The following CHODL variants were observed in gnomAD, a reference collection of about 807,000 sequenced individuals.
The protein encoded by CHODL is chondrolectin, also known as transmembrane protein MT75.
CHODL carries 29 observed loss-of-function variants against 34.5 expected under a neutral mutation model. The observed-to-expected ratio is 0.84, with a 90% CI of 0.63 to 1.15. The LOEUF is 1.15. Ranked by LOEUF, CHODL falls within the 50% of genes most tolerant of loss-of-function variation. The probability of loss-of-function intolerance (pLI) is 0.00; values close to 1 mark genes in which losing one functional copy is unlikely to be tolerated. For synonymous variants in CHODL, 125 were observed against 116.1 expected (o/e 1.08, Z -0.49); for missense variants, 332 against 332.5 (o/e 1.00, Z 0.01).
At chr21:18,058,183 A>T (rs2064608387) in intron 2 of CHODL, among the ~76,000 whole-genome samples, 1 of 152,102 alleles carries the variant, frequency 6.6e-6, no homozygotes, top group Non-Finnish European at 1.5e-5. Context: ...AATGGCTATT[A>T]AAAAAAGACA....
chr21:17,995,283 A>G (rs1039861581), intron 1 of CHODL, among the ~76,000 whole-genome samples: 2 of 152,104 alleles, frequency 1.3e-5, no homozygotes, highest in African/African-American at 4.8e-5. Context: ...GCAACTGTCT[A>G]TATTAGTCTC....
At chr21:18,119,691 A>G (rs2065456750) in intron 2 of CHODL, among the ~76,000 whole-genome samples, 1 of 152,120 alleles carries the variant, frequency 6.6e-6, no homozygotes, top group African/African-American at 2.4e-5. Context: ...TAGGGGGTTT[A>G]TGGAGATTAT....
At chr21:18,085,765 T>A (rs1257464774) in intron 2 of CHODL, among the ~76,000 whole-genome samples, 3 of 152,188 alleles carry the variant, frequency 2.0e-5, no homozygotes, top group Admixed American at 6.5e-5. Context: ...TATATGCTTT[T>A]CTCTTTTTAA....
intron 2 of CHODL, among the ~76,000 whole-genome samples, chr21:18,213,349 C>T (rs867370108): frequency 1.6e-4 from 24 of 152,048 alleles, no homozygotes; most frequent in African/African-American, 5.6e-4. Flanking sequence ...GACCTAGAAT[C>T]CAAACAAAAT....
At chr21:18,128,155 G>A (rs1340685041) in intron 2 of CHODL, among the ~76,000 whole-genome samples, 1 of 148,902 alleles carries the variant, frequency 6.7e-6, no homozygotes, top group Non-Finnish European at 1.5e-5. Context: ...AAAAAAATTA[G>A]CTGGGCGTGG....
chr21:18,242,111 C>T (rs921519250), upstream of CHODL, among the ~76,000 whole-genome samples: 1 of 152,006 alleles, frequency 6.6e-6, no homozygotes, highest in Non-Finnish European at 1.5e-5. Context: ...CAGACATACA[C>T]AATTCCTCAC....
In CHODL at chr21:18,083,337, G is replaced by T. The variant is rs551380915; in HGVS notation, c.-45+55366G>T. ...CTGTATGTCCAGGCAGAAGTCTACT[G>T]CAGGGGTAGAACCTTCATGGAGAGC... On this transcript the variant is annotated intron_variant, in intron 2 of 6. Coordinates refer to the CHODL transcript ENST00000400127. Among the ~76,000 whole-genome samples the T allele has an allele frequency of 1.5e-4, 23 of 152,364 alleles. No individual in the cohort carries two copies. The South Asian group carries it at 4.6e-3, about 30-fold the overall frequency.
At chr21:18,198,157 T>C (rs1479070477) in intron 2 of CHODL, among the ~76,000 whole-genome samples, 1 of 152,206 alleles carries the variant, frequency 6.6e-6, no homozygotes, top group Non-Finnish European at 1.5e-5. Flanking sequence ...CTAATTAGAT[T>C]TTTCAATTAG....
intron 2 of CHODL, among the ~76,000 whole-genome samples, chr21:18,073,718 G>T (rs158026): frequency 2.0e-5 from 3 of 151,656 alleles, no homozygotes; most frequent in Non-Finnish European, 4.4e-5. Context: ...AGAATAAAAA[G>T]ATTAGCTTTA....
At chr21:18,187,359 T>A (rs1195722893) in intron 2 of CHODL, among the ~76,000 whole-genome samples, 1 of 152,180 alleles carries the variant, frequency 6.6e-6, no homozygotes, top group African/African-American at 2.4e-5. Flanking sequence ...CCCACTCTGA[T>A]ACCTTCCTTT....
chr21:18,264,623 A>G (rs57961061), intron 5 of CHODL, among the ~76,000 whole-genome samples: 23,905 of 135,488 alleles, frequency 0.18, 2,538 homozygotes, highest in African/African-American at 0.28. Flanking sequence ...AAAAAAAAAA[A>G]AGAGAGAGAG....
intron 2 of CHODL, among the ~76,000 whole-genome samples, chr21:18,213,336 C>T (rs1391996821): frequency 6.6e-6 from 1 of 152,046 alleles, no homozygotes; most frequent in African/African-American, 2.4e-5. Flanking sequence ...AGAAATCTTT[C>T]CTGACCTAGA....
At chr21:17,981,910 A>C (rs1013352629) in intron 1 of CHODL, among the ~76,000 whole-genome samples, 1 of 152,258 alleles carries the variant, frequency 6.6e-6, no homozygotes, top group Non-Finnish European at 1.5e-5. Flanking sequence ...ATGAAAGCCA[A>C]ACTTTCAAAG....
At chr21:17,942,269 A>T (rs1480493451) in intron 1 of CHODL, among the ~76,000 whole-genome samples, 2 of 152,200 alleles carry the variant, frequency 1.3e-5, no homozygotes, top group Non-Finnish European at 2.9e-5. Context: ...CTTGAATTGT[A>T]ACTCCCACAA....
At chr21:18,044,357 A>C (rs1282810016) in intron 2 of CHODL, among the ~76,000 whole-genome samples, 3 of 151,978 alleles carry the variant, frequency 2.0e-5, no homozygotes, top group African/African-American at 7.2e-5. Context: ...TAAAATATTA[A>C]TTTTTCTTCA....
Position 18,129,487 on chromosome 21 carries a change from G to A in CHODL, c.-45+101516G>A, listed in dbSNP as rs374809687. ...AATTTAATGTATTAGAGAGGAAAAT[G>A]TGATGCAAGAGCCGCAGAGGAAATT... On this transcript the variant is annotated intron_variant, in intron 2 of 6. Transcript: ENST00000400127. Among the ~76,000 whole-genome samples, 74 of 152,314 alleles carry A rather than the reference G, an allele frequency of 4.9e-4. 1 individual carries two copies. The South Asian group carries it at 0.014, about 28-fold the overall frequency.
intron 1 of CHODL, among the ~76,000 whole-genome samples, chr21:17,953,405 T>C (rs2063473761): frequency 6.6e-6 from 1 of 152,072 alleles, no homozygotes; most frequent in Non-Finnish European, 1.5e-5. Flanking sequence ...AGTTAGAGAC[T>C]ACAGTGAGCC....
At chr21:18,096,023 G>C (rs1157524430) in intron 2 of CHODL, among the ~76,000 whole-genome samples, 2 of 152,278 alleles carry the variant, frequency 1.3e-5, no homozygotes, top group Middle Eastern at 3.4e-3. Flanking sequence ...TGCAGCAGAA[G>C]AACATAAATT....
chr21:18,010,705 CT>C (rs1289768645), intron 1 of CHODL, among the ~76,000 whole-genome samples: 1 of 152,138 alleles, frequency 6.6e-6, no homozygotes, highest in Non-Finnish European at 1.5e-5. Context: ...CAAATCCCAG[CT>C]TTTGTGAGAG....
Sources: gnomAD v4.1 joint callset for allele counts (sites outside exome capture counted in the v4.1 genomes callset) on GRCh38, gnomAD v4.1.1 for gene constraint, MANE v1.5 for transcripts, NCBI Gene and HGNC (gene_info 2026-07-23, HGNC 2026-07-21) for gene names.